Variants in PPP6R2 observed in about 807,000 individuals in gnomAD.
The protein encoded by PPP6R2 is serine/threonine-protein phosphatase 6 regulatory subunit 2.
Under a neutral mutation model 100.2 loss-of-function variants are expected in PPP6R2, and 62 were observed. The ratio of observed to expected loss-of-function variants is 0.62; its 90% CI spans 0.50 to 0.76. The LOEUF (loss-of-function observed/expected upper bound fraction) is 0.76. Ranked by LOEUF, PPP6R2 falls within the 30% of genes least tolerant of loss-of-function variation. PPP6R2 has a pLI of 0.00. For synonymous variants in PPP6R2, 525 were observed against 514.7 expected (o/e 1.02, Z -0.27); for missense variants, 1,142 against 1,276.3 (o/e 0.89, Z 1.60).
chr22:50,396,223 G>A (rs1427410529), intron 3 of PPP6R2, among the ~76,000 whole-genome samples: 1 of 135,712 alleles, frequency 7.4e-6, no homozygotes, highest in African/African-American at 2.7e-5. Flanking sequence ...AAAGCCGGGT[G>A]TGGTGGCTCA....
intron 3 of PPP6R2, among the ~76,000 whole-genome samples, chr22:50,404,291 C>T (rs1197161129): frequency 1.3e-5 from 2 of 152,098 alleles, no homozygotes; most frequent in East Asian, 1.9e-4. Flanking sequence ...GATGGGGTTT[C>T]ACCATGTTGG....
chr22:50,381,918 A>G (rs541520073), intron 2 of PPP6R2, among the ~76,000 whole-genome samples: 2 of 152,056 alleles, frequency 1.3e-5, no homozygotes, highest in Admixed American at 6.6e-5. Flanking sequence ...AAAAAAAAAA[A>G]AAAGAAAAAA....
chr22:50,338,151 G>C, the PPP6R2 span, among the ~76,000 whole-genome samples: 29,396 of 144,148 alleles, frequency 0.2, 3,063 homozygotes, highest in South Asian at 0.37. Context: ...AGTGTGTGTG[G>C]TATGTGTGTG....
intron 2 of PPP6R2, among the ~76,000 whole-genome samples, chr22:50,377,452 T>TCATA (rs1555993196): frequency 6.6e-6 from 1 of 151,370 alleles, no homozygotes; most frequent in East Asian, 1.9e-4. Context: ...TCAATAATAA[T>TCATA]AATAATAATT....
intron 2 of PPP6R2, among the ~76,000 whole-genome samples, chr22:50,390,264 T>C (rs2055194758): frequency 6.6e-6 from 1 of 152,144 alleles, no homozygotes; most frequent in African/African-American, 2.4e-5. Context: ...AGTGCTGAGA[T>C]TACAGGCGGG....
upstream of PPP6R2, among the ~76,000 whole-genome samples, chr22:50,340,576 ATGTGGTG>A (rs1260855513): frequency 3.1e-5 from 3 of 95,356 alleles, no homozygotes; most frequent in South Asian, 4.0e-4. Context: ...TGTGTGTGGT[ATGTGGTG>A]TGTGGTGTGT....
chr22:50,422,303 G>A lies in PPP6R2; in HGVS notation c.895G>A (p.Ala299Thr), dbSNP rs781398419. ...SFSQGLERSY[A>T]VSSSVLHGIE... is the part of the protein sequence containing the mutation. ...TTCTCAGGGACTGGAAAGGTCATAC[G>A]CTGTCAGCAGCAGCGTACTACACGG... Residue 299 changes from alanine to threonine, a missense_variant, in exon 9 of 24, where the codon GCT becomes ACT. By Grantham distance (58) the Ala-to-Thr change is moderately conservative. Transcript: ENST00000612753. The A allele has an allele frequency of 2.5e-6, 4 of 1,614,116 alleles. No individual in the cohort carries two copies. Among genetic ancestry groups the A allele is most frequent in the Non-Finnish European group, 3.4e-6 (4 of 1,179,986 alleles).
chr22:50,437,020 G>T lies in PPP6R2; in HGVS notation c.1635G>T (p.Glu545Asp). Residue 545 changes from glutamate (E) to aspartate (D), a missense_variant, in exon 15 of 24, where the codon GAG becomes GAT. Physicochemically the swap from Glu to Asp is conservative, Grantham distance 45. This residue lies in a region of PPP6R2 where 592 missense variants were observed against 758.9 expected (regional missense o/e 0.78). Transcript: ENST00000612753. ...VSTHHLHSSS[E>D]DEDIEGAFPN... Reference sequence around the variant, plus strand: ...CTCACCACCTTCACTCCTCAAGTGAGGACGAGGACATTGAGGGTGCTTTCC... The same window carrying T: ...CTCACCACCTTCACTCCTCAAGTGATGACGAGGACATTGAGGGTGCTTTCC... 1 of 1,562,530 alleles carries T rather than the reference G, an allele frequency of 6.4e-7. No homozygotes were observed. Among genetic ancestry groups the T allele is most frequent in the Non-Finnish European group, 8.7e-7 (1 of 1,153,536 alleles).
chr22:50,371,325 C>T lies in PPP6R2; in HGVS notation c.-147-695C>T, dbSNP rs1246010784. ...TGGGTGTCTGCACTAAGTTCGGCAT[C>T]AGTATGGTGACCTCCCAGAAAAGGA... On this transcript the variant is annotated intron_variant, in intron 1 of 23. Coordinates refer to ENST00000612753, the MANE Select transcript of PPP6R2 (RefSeq NM_001242898.2). 2.0e-5 allele frequency among the ~76,000 whole-genome samples: 3 copies of T among 151,926 alleles called. No individual in the cohort carries two copies. The East Asian group carries it at 5.8e-4, about 29-fold the overall frequency.
rs905242919 is a variant in PPP6R2, at chr22:50,437,026, G to A, written c.1641G>A (p.Glu547=). The change falls in exon 15 of 24, where the codon GAG becomes GAA. Residue 547 remains glutamate (E), a synonymous_variant. Coordinates refer to ENST00000612753, the MANE Select transcript of PPP6R2 (RefSeq NM_001242898.2). ...ACCTTCACTCCTCAAGTGAGGACGAGGACATTGAGGGTGCTTTCCCTAACG... is the reference window on the plus strand; with the variant it reads ...ACCTTCACTCCTCAAGTGAGGACGAAGACATTGAGGGTGCTTTCCCTAACG... The part of the protein sequence containing the change: ...THHLHSSSED[E]DIEGAFPNEL... 9 of 1,562,938 alleles carry A rather than the reference G, an allele frequency of 5.8e-6. No homozygotes were observed. The South Asian group carries it at 1.1e-4, about 18-fold the overall frequency.
intron 3 of PPP6R2, 100 bp downstream of exon 3, chr22:50,394,235 G>A: frequency 1.3e-6 from 2 of 1,483,920 alleles, no homozygotes; most frequent in South Asian, 1.3e-5. Context: ...TTCTGATGAA[G>A]AAGCGAGCCG....
rs533750151 is a variant in PPP6R2, at chr22:50,430,869, G to A, written c.1126-304G>A. Among the ~76,000 whole-genome samples, 66 of 107,176 alleles carry A rather than the reference G, an allele frequency of 6.2e-4. 1 individual carries two copies. The East Asian group carries it at 0.02, about 33-fold the overall frequency. The allele number at this position is 107,176 out of a possible 152,430, so 70.3% of individuals were successfully genotyped here. A position where few individuals can be genotyped will look rare whatever the true frequency, so the allele number is the denominator to read the frequency against. On this transcript the variant is annotated intron_variant, in intron 10 of 23. Transcript: ENST00000612753. Reference sequence around the variant, plus strand: ...AGCCTGGGAGACAAAGCAAGACTCCGTCTCAAAAAAAAAAAAAAAAAAGAA... The same window carrying A: ...AGCCTGGGAGACAAAGCAAGACTCCATCTCAAAAAAAAAAAAAAAAAAGAA...
At chr22:50,441,174 A>G in intron 22 of PPP6R2, 148 bp downstream of exon 22, 1 of 753,188 alleles carries the variant, frequency 1.3e-6, no homozygotes, top group Non-Finnish European at 2.1e-6. Context: ...GTGACCCTTC[A>G]GAGGCTGGCT....
At chr22:50,365,154 C>T (rs926575148) in intron 1 of PPP6R2, among the ~76,000 whole-genome samples, 4 of 151,494 alleles carry the variant, frequency 2.6e-5, no homozygotes, top group Middle Eastern at 3.4e-3. Flanking sequence ...TCACCGCAAC[C>T]TCCACCTCCC....
intron 1 of PPP6R2, among the ~76,000 whole-genome samples, chr22:50,347,425 G>A (rs549539708): frequency 6.6e-6 from 1 of 152,106 alleles, no homozygotes; most frequent in Non-Finnish European, 1.5e-5. Context: ...ATCACGGCTT[G>A]AGATATCACC....
the PPP6R2 span, among the ~76,000 whole-genome samples, chr22:50,334,129 G>T: frequency 6.6e-6 from 1 of 152,282 alleles, no homozygotes; most frequent in African/African-American, 2.4e-5. Flanking sequence ...GACCGCTGAA[G>T]CACAGCATCA....
At chr22:50,360,406 T>G (rs1328024052) in intron 1 of PPP6R2, among the ~76,000 whole-genome samples, 2 of 150,202 alleles carry the variant, frequency 1.3e-5, no homozygotes, top group African/African-American at 4.9e-5. Context: ...CACTTGGAAG[T>G]GCAAGTGGTA....
In PPP6R2 at chr22:50,343,427, G is replaced by C. The variant is rs983096950; in HGVS notation, c.-271G>C. The C allele has an allele frequency of 1.3e-5, 2 of 151,204 alleles. No homozygotes were observed. The highest frequency in any genetic ancestry group is 1.3e-4 in the Admixed American group (2 of 15,220). The allele number at this position is 151,204 out of a possible 1,614,324, so 9.4% of individuals were successfully genotyped here. A position where few individuals can be genotyped will look rare whatever the true frequency, so the allele number is the denominator to read the frequency against. ...GTCCGTAGGCGCTGCGCCCTCGGCC[G>C]GGCCCATGTGTGTGCGGCCCGCCCG... On this transcript the variant is annotated 5_prime_UTR_variant, in exon 1 of 24. Coordinates refer to ENST00000612753, the MANE Select transcript of PPP6R2 (RefSeq NM_001242898.2).
At chr22:50,429,554 T>C (rs1019137644) in intron 10 of PPP6R2, among the ~76,000 whole-genome samples, 13 of 152,250 alleles carry the variant, frequency 8.5e-5, no homozygotes, top group African/African-American at 3.1e-4. Context: ...CATTGGTTTG[T>C]AGTTTTCTTT....
Sources: gnomAD v4.1 joint callset for allele counts (sites outside exome capture counted in the v4.1 genomes callset) on GRCh38, gnomAD v4.1.1 for gene constraint, gnomAD v4.1.1 regional missense constraint, MANE v1.5 for transcripts, NCBI Gene and HGNC (gene_info 2026-07-23, HGNC 2026-07-21) for gene names.